The following PPARGC1A variants were observed in gnomAD, a reference collection of about 807,000 sequenced individuals.
PPARGC1A encodes peroxisome proliferator-activated receptor gamma coactivator 1-alpha.
In PPARGC1A, 25 loss-of-function variants were observed where a neutral mutation model predicts 88.7. That is an observed-to-expected ratio of 0.28 (90% CI 0.21 to 0.39). The LOEUF is 0.39. PPARGC1A is among the 10% of genes least tolerant of loss of function. PPARGC1A has a pLI of 1.00. For missense variants in PPARGC1A, 880 were observed against 968.7 expected, an observed-to-expected ratio of 0.91 and a Z score of 1.22; for synonymous variants, 363 against 355.6, an observed-to-expected ratio of 1.02 and a Z score of -0.24.
the PPARGC1A span, among the ~76,000 whole-genome samples, chr4:24,165,402 T>C: frequency 6.6e-6 from 1 of 152,216 alleles, no homozygotes; most frequent in African/African-American, 2.4e-5. Flanking sequence ...CTCTGGATTT[T>C]TGTGGCAACC....
rs768573007 is a variant in PPARGC1A, at chr4:23,813,854, A to G, written c.1629T>C (p.Phe543=). 1.2e-6 allele frequency: 2 copies of G among 1,614,002 alleles called. No homozygotes were observed. The highest frequency in any genetic ancestry group is 1.7e-6 in the Non-Finnish European group (2 of 1,179,980). The change falls in exon 8 of 13, where the codon TTT becomes TTC. Residue 543 remains phenylalanine, a synonymous_variant. Transcript: ENST00000264867. ...ACACAGAATCTCTACATGGAGAGTT[A>G]AAAGAAGAACAAGAAGGAGACACAT... ...LFNVSPSCSS[F]NSPCRDSVSP...
chr4:24,297,374 C>T, the PPARGC1A span, among the ~76,000 whole-genome samples: 22 of 152,242 alleles, frequency 1.4e-4, no homozygotes, highest in Non-Finnish European at 2.6e-4. Flanking sequence ...GGCTTTAATA[C>T]GTATTCTTCT....
At chr4:24,181,568 T>G in the PPARGC1A span, among the ~76,000 whole-genome samples, 1 of 152,172 alleles carries the variant, frequency 6.6e-6, no homozygotes, top group Non-Finnish European at 1.5e-5. Flanking sequence ...TGCCACAGAC[T>G]CTATCCAGAT....
intron 2 of PPARGC1A, among the ~76,000 whole-genome samples, chr4:23,860,478 A>C (rs1214265046): frequency 6.6e-6 from 1 of 152,204 alleles, no homozygotes; most frequent in Non-Finnish European, 1.5e-5. Context: ...TACAAAAAAA[A>C]GTAACTATGT....
chr4:23,959,841 A>C, the PPARGC1A span, among the ~76,000 whole-genome samples: 3 of 152,110 alleles, frequency 2.0e-5, no homozygotes, highest in African/African-American at 7.2e-5. Context: ...TTGGATGCAC[A>C]AGTCAAGGCT....
intron 12 of PPARGC1A, among the ~76,000 whole-genome samples, chr4:23,799,934 A>T (rs991939137): frequency 2.0e-5 from 3 of 152,198 alleles, no homozygotes; most frequent in Non-Finnish European, 2.9e-5. Context: ...TGTTTTTATC[A>T]GCCAACATTT....
chr4:24,221,905 G>C, the PPARGC1A span, among the ~76,000 whole-genome samples: 1 of 152,136 alleles, frequency 6.6e-6, no homozygotes, highest in Non-Finnish European at 1.5e-5. Flanking sequence ...ATTCCTTCTG[G>C]TAGGAGAATA....
chr4:24,438,067 C>G, the PPARGC1A span, among the ~76,000 whole-genome samples: 1 of 152,088 alleles, frequency 6.6e-6, no homozygotes, highest in African/African-American at 2.4e-5. Flanking sequence ...ACAGATCCAG[C>G]AAGAGGACAC....
chr4:24,032,731 G>C, the PPARGC1A span, among the ~76,000 whole-genome samples: 1 of 152,126 alleles, frequency 6.6e-6, no homozygotes, highest in African/African-American at 2.4e-5. Context: ...TGTCATTGTT[G>C]GTTGATTTTG....
At chr4:24,044,543 G>T in the PPARGC1A span, among the ~76,000 whole-genome samples, 8 of 152,074 alleles carry the variant, frequency 5.3e-5, no homozygotes, top group Admixed American at 5.2e-4. Flanking sequence ...AGCATTAACG[G>T]GTTTCATTCT....
At chr4:23,804,813 C>G (rs1020778393) in intron 10 of PPARGC1A, among the ~76,000 whole-genome samples, 4 of 152,302 alleles carry the variant, frequency 2.6e-5, no homozygotes, top group South Asian at 2.1e-4. Context: ...GCACCACTCC[C>G]AAGCCTCTCA....
intron 2 of PPARGC1A, among the ~76,000 whole-genome samples, chr4:23,846,922 A>G (rs1577493087): frequency 6.6e-6 from 1 of 152,296 alleles, no homozygotes; most frequent in Non-Finnish European, 1.5e-5. Context: ...TTTTTCTTAG[A>G]AAAGGTTTCA....
At chr4:23,949,080 G>C in the PPARGC1A span, among the ~76,000 whole-genome samples, 1 of 152,210 alleles carries the variant, frequency 6.6e-6, no homozygotes, top group South Asian at 2.1e-4. Flanking sequence ...TAGCTTCATA[G>C]CACAGCACTG....
At chr4:24,102,805 A>T in the PPARGC1A span, among the ~76,000 whole-genome samples, 2 of 152,168 alleles carry the variant, frequency 1.3e-5, no homozygotes, top group Admixed American at 6.5e-5. Context: ...TCTTCTCCAG[A>T]AGGCAGCCCA....
chr4:24,217,152 G>A, the PPARGC1A span, among the ~76,000 whole-genome samples: 9 of 152,114 alleles, frequency 5.9e-5, no homozygotes, highest in Non-Finnish European at 1.0e-4. Context: ...TTGTCCCTTA[G>A]GTATTTTCTC....
the PPARGC1A span, among the ~76,000 whole-genome samples, chr4:24,057,796 G>A: frequency 2.0e-5 from 3 of 152,222 alleles, no homozygotes; most frequent in African/African-American, 7.2e-5. Flanking sequence ...TACAGGTAGC[G>A]AGCTGAGTAG....
At chr4:24,263,456 TACAC>T in the PPARGC1A span, among the ~76,000 whole-genome samples, 1,282 of 150,172 alleles carry the variant, frequency 8.5e-3, 37 homozygotes, top group East Asian at 0.12. Flanking sequence ...TGTGGGTGTA[TACAC>T]ACACACACAC....
At chr4:23,847,823 G>A (rs1314066810) in intron 2 of PPARGC1A, among the ~76,000 whole-genome samples, 1 of 152,182 alleles carries the variant, frequency 6.6e-6, no homozygotes, top group Non-Finnish European at 1.5e-5. Flanking sequence ...ACAAGAAGGT[G>A]AGATTTCAGA....
intron 2 of PPARGC1A, among the ~76,000 whole-genome samples, chr4:23,875,199 T>G (rs1468114471): frequency 6.6e-6 from 1 of 152,190 alleles, no homozygotes; most frequent in Non-Finnish European, 1.5e-5. Flanking sequence ...ACATCTTTAT[T>G]TGAGAATTAA....
Sources: gnomAD v4.1 joint callset for allele counts (sites outside exome capture counted in the v4.1 genomes callset) on GRCh38, gnomAD v4.1.1 for gene constraint, MANE v1.5 for transcripts, NCBI Gene and HGNC (gene_info 2026-07-23, HGNC 2026-07-21) for gene names.